The following C6orf163 variants were observed in gnomAD, a reference collection of about 807,000 sequenced individuals.
C6orf163 encodes chromosome 6 open reading frame 163.
Under a neutral mutation model 28.4 loss-of-function variants are expected in C6orf163, and 22 were observed. The observed-to-expected ratio is 0.78, with a 90% confidence interval of 0.55 to 1.11. C6orf163 has a LOEUF of 1.11. Ranked by LOEUF, C6orf163 falls within the 50% of genes least tolerant of loss-of-function variation. The pLI is 0.00. For missense variants in C6orf163, 342 were observed against 389.1 expected (o/e 0.88, Z 1.02); for synonymous variants, 110 against 123.6 (o/e 0.89, Z 0.73).
At chr6:87,353,571 C>T (rs1777453367) in intron 3 of C6orf163, among the ~76,000 whole-genome samples, 1 of 151,956 alleles carries the variant, frequency 6.6e-6, no homozygotes, top group African/African-American at 2.4e-5. Context: ...CCATTAAATA[C>T]ATTTCATTCT....
chr6:87,346,725 C>T (rs1308243535), intron 1 of C6orf163, among the ~76,000 whole-genome samples: 1 of 152,196 alleles, frequency 6.6e-6, no homozygotes, highest in Non-Finnish European at 1.5e-5. Context: ...CAAACACAGA[C>T]CCACTGGATT....
At chr6:87,356,805 A>G (rs191124648) in intron 4 of C6orf163, 5 of 293,810 alleles carry the variant, frequency 1.7e-5, no homozygotes, top group Non-Finnish European at 2.6e-5. Context: ...CCTGCTTGAA[A>G]GATAGCTACT....
At chr6:87,363,270 C>A (rs975795142) in intron 4 of C6orf163, among the ~76,000 whole-genome samples, 1 of 151,482 alleles carries the variant, frequency 6.6e-6, no homozygotes, top group African/African-American at 2.4e-5. Flanking sequence ...TCCAGAGACC[C>A]TTCAAGGTCC....
chr6:87,360,547 C>G (rs1777566670), intron 4 of C6orf163, among the ~76,000 whole-genome samples: 1 of 150,528 alleles, frequency 6.6e-6, no homozygotes, highest in African/African-American at 2.4e-5. Context: ...CAGGTACTCA[C>G]TCACCACCAT....
intron 4 of C6orf163, among the ~76,000 whole-genome samples, chr6:87,363,586 A>G (rs1485564524): frequency 6.6e-6 from 1 of 151,798 alleles, no homozygotes; most frequent in East Asian, 1.9e-4. Context: ...TATGAGTGAG[A>G]ATATGCAGTG....
rs746879593 is a variant in C6orf163, at chr6:87,344,928, CAT to C, written c.-170_-169del. On this transcript the variant is annotated 5_prime_UTR_variant, in exon 1 of 5. The change abolishes the stop of an existing upstream ORF in the 5' untranslated region. Transcript: ENST00000388923. ...TAGCACCATTCTTTAACGTTAGACA[CAT>C]AACCACAGCCTAATCACTTGAACCA... 5.5e-6 allele frequency: 3 copies of C among 545,858 alleles called. No individual in the cohort carries two copies. The South Asian group carries it at 7.8e-5, about 14-fold the overall frequency. 33.8% of individuals were successfully genotyped at this position (545,858 alleles called of 1,614,324 possible). A position where few individuals can be genotyped will look rare whatever the true frequency, so the allele number is the denominator to read the frequency against.
chr6:87,365,333 G>C lies in C6orf163; in HGVS notation c.927G>C (p.Leu309=). The C allele has an allele frequency of 6.4e-7, 1 of 1,550,876 alleles. No individual in the cohort carries two copies. The highest frequency in any genetic ancestry group is 8.7e-7 in the Non-Finnish European group (1 of 1,146,660). Reference sequence around the variant, plus strand: ...CACCAGGACATGCAGATTTTATTCTGCCAGAAAGAAAGAAAACACCTTCTA... The same window carrying C: ...CACCAGGACATGCAGATTTTATTCTCCCAGAAAGAAAGAAAACACCTTCTA... ...KLSPGHADFI[L]PERKKTPSNL... Residue 309 remains leucine (L), a synonymous_variant, in exon 5 of 5, where the codon CTG becomes CTC. Coordinates refer to ENST00000388923, the MANE Select transcript of C6orf163 (RefSeq NM_001010868.3).
chr6:87,345,086 T>C lies in C6orf163; in HGVS notation c.-14T>C. 2.0e-6 allele frequency: 3 copies of C among 1,514,912 alleles called. No individual in the cohort carries two copies. The highest frequency in any genetic ancestry group is 2.6e-6 in the Non-Finnish European group (3 of 1,137,638). 93.8% of individuals were successfully genotyped at this position (1,514,912 alleles called of 1,614,324 possible). On this transcript the variant is annotated 5_prime_UTR_variant, in exon 1 of 5. Coordinates refer to ENST00000388923, the MANE Select transcript of C6orf163 (RefSeq NM_001010868.3). ...TTTTAACTGTAAGTAGGAGAAGACA[T>C]CTGAAATTTAACTATGATCAGAAAT...
At chr6:87,358,029 A>T (rs922427800) in intron 4 of C6orf163, 2 of 152,186 alleles carry the variant, frequency 1.3e-5, no homozygotes, top group African/African-American at 4.8e-5. Context: ...ATTTCTTCCA[A>T]TTAGTCGAAG....
chr6:87,350,860 G>C (rs142653902), intron 3 of C6orf163, among the ~76,000 whole-genome samples: 1 of 152,352 alleles, frequency 6.6e-6, no homozygotes, highest in African/African-American at 2.4e-5. Flanking sequence ...CATGACTGCA[G>C]CTTTCAGCAG....
rs573942760 is a variant in C6orf163, at chr6:87,359,829, G to A, written c.554+3326G>A. Among the ~76,000 whole-genome samples the A allele has an allele frequency of 3.0e-3, 460 of 152,194 alleles. 3 individuals are homozygous for A. The highest frequency in any genetic ancestry group is 0.011 in the African/African-American group (443 of 41,536). ...TCTGGCCAGTGCCACCCTGAAATAC[G>A]GTGTGTATTTCAAAATTACAAGTGT... On this transcript the variant is annotated intron_variant, in intron 4 of 4. Transcript: ENST00000388923.
intron 1 of C6orf163, chr6:87,348,271 G>A: frequency 3.0e-6 from 3 of 984,730 alleles, no homozygotes; most frequent in Non-Finnish European, 3.6e-6. Context: ...TTATGGGAAT[G>A]TTATTATTTG....
intron 1 of C6orf163, chr6:87,348,431 C>G: frequency 1.0e-6 from 1 of 994,906 alleles, no homozygotes; most frequent in Non-Finnish European, 1.2e-6. Context: ...GATGCTAGCC[C>G]TAGCACCCAA....
intron 2 of C6orf163, among the ~76,000 whole-genome samples, chr6:87,349,278 A>G (rs1469329138): frequency 6.6e-6 from 1 of 152,188 alleles, no homozygotes; most frequent in Admixed American, 6.5e-5. Flanking sequence ...AAAAATGTCT[A>G]AGAAAACTCC....
chr6:87,346,886 C>G lies in C6orf163; in HGVS notation c.148+1639C>G, dbSNP rs146572961. On this transcript the variant is annotated intron_variant, in intron 1 of 4. Coordinates refer to ENST00000388923, the MANE Select transcript of C6orf163 (RefSeq NM_001010868.3). The stretch of plus-strand genomic sequence containing the variant: ...AAAATAGATCAGAGTTCCCCTGTAC[C>G]CTTCATCCAGCTTCCATTGATATCT... Among the ~76,000 whole-genome samples the G allele has an allele frequency of 8.1e-3, 1,237 of 152,254 alleles. 17 individuals are homozygous for G. Among genetic ancestry groups the G allele is most frequent in the African/African-American group, 0.027 (1,133 of 41,548 alleles).
At chr6:87,355,022 G>T (rs1325678326) in intron 3 of C6orf163, among the ~76,000 whole-genome samples, 3 of 152,086 alleles carry the variant, frequency 2.0e-5, no homozygotes, top group Non-Finnish European at 4.4e-5. Flanking sequence ...TCTATTCTGG[G>T]TAAGATTTCA....
intron 4 of C6orf163, among the ~76,000 whole-genome samples, chr6:87,360,051 A>C (rs181003034): frequency 6.6e-6 from 1 of 152,114 alleles, no homozygotes; most frequent in African/African-American, 2.4e-5. Flanking sequence ...AACAACCTCT[A>C]CTTGTCATGT....
At chr6:87,352,391 A>C in intron 3 of C6orf163, among the ~76,000 whole-genome samples, 1 of 152,060 alleles carries the variant, frequency 6.6e-6, no homozygotes, top group South Asian at 2.1e-4. Context: ...TTAAAGTTTG[A>C]GATTACCAAT....
chr6:87,356,641 CAT>C, intron 4 of C6orf163, 138 bp downstream of exon 4: 1 of 730,836 alleles, frequency 1.4e-6, no homozygotes, highest in East Asian at 2.7e-5. Flanking sequence ...AAATACCAAA[CAT>C]AGGGAACAAT....
Sources: gnomAD v4.1 joint callset for allele counts (sites outside exome capture counted in the v4.1 genomes callset) on GRCh38, gnomAD v4.1.1 for gene constraint, MANE v1.5 for transcripts, NCBI Gene and HGNC (gene_info 2026-07-23, HGNC 2026-07-21) for gene names.